TPTE2: variants seen among roughly 807,000 people sequenced by gnomAD.
TPTE2 encodes phosphatidylinositol 3,4,5-trisphosphate 3-phosphatase TPTE2.
TPTE2 carries 53 observed loss-of-function variants against 78.6 expected under a neutral mutation model. The ratio of observed to expected loss-of-function variants is 0.67; its 90% CI spans 0.54 to 0.85. The LOEUF is 0.85. TPTE2 is among the 40% of genes least tolerant of loss of function. The pLI is 0.00. For missense variants in TPTE2, 461 were observed against 623.0 expected (o/e 0.74, Z 2.77); for synonymous variants, 175 against 206.2 (o/e 0.85, Z 1.30).
intron 1 of TPTE2, among the ~76,000 whole-genome samples, chr13:19,498,351 T>C (rs1457830681): frequency 1.3e-5 from 2 of 151,838 alleles, no homozygotes; most frequent in Admixed American, 1.3e-4. Flanking sequence ...AATTGTCAGA[T>C]TCACCAAAGT....
intron 1 of TPTE2, among the ~76,000 whole-genome samples, chr13:19,527,526 C>A (rs2137735443): frequency 6.6e-6 from 1 of 152,288 alleles, no homozygotes; most frequent in South Asian, 2.1e-4. Flanking sequence ...CATTAATACA[C>A]TGCAAGTTGG....
chr13:19,454,218 C>T (rs1249894619), intron 10 of TPTE2, among the ~76,000 whole-genome samples: 3 of 152,158 alleles, frequency 2.0e-5, no homozygotes, highest in Non-Finnish European at 4.4e-5. Context: ...GTCTGCTTTG[C>T]TCATTCGCTG....
At chr13:19,474,134 G>T (rs1309104063) in intron 5 of TPTE2, 59 bp from the exon 9 acceptor site, 1 of 1,258,924 alleles carries the variant, frequency 7.9e-7, no homozygotes, top group Non-Finnish European at 1.1e-6. Context: ...CAAAGATAAA[G>T]GGGCATTTGT....
At chr13:19,479,085 C>G (rs956805825) in intron 4 of TPTE2, among the ~76,000 whole-genome samples, 39 of 152,070 alleles carry the variant, frequency 2.6e-4, no homozygotes, top group Non-Finnish European at 5.4e-4. Flanking sequence ...GTACAGCACA[C>G]CAACATGGCA....
At chr13:19,560,492 A>C in the TPTE2 span, 3 of 1,592,372 alleles carry the variant, frequency 1.9e-6, no homozygotes, top group Middle Eastern at 2.2e-4. Flanking sequence ...ACCTCCATTC[A>C]TACTCTCTGC....
chr13:19,428,726 C>T (rs903618000), intron 17 of TPTE2, among the ~76,000 whole-genome samples: 13 of 149,534 alleles, frequency 8.7e-5, no homozygotes, highest in African/African-American at 1.2e-4. Flanking sequence ...GAGACCCTGG[C>T]TCAGGAAAAA....
intron 4 of TPTE2, among the ~76,000 whole-genome samples, chr13:19,477,918 A>G (rs577506597): frequency 1.3e-5 from 2 of 152,228 alleles, no homozygotes; most frequent in Non-Finnish European, 2.9e-5. Flanking sequence ...ACACTCCAAC[A>G]TGAAGCAACA....
At chr13:19,509,007 C>T (rs1869254438) in intron 1 of TPTE2, among the ~76,000 whole-genome samples, 1 of 151,958 alleles carries the variant, frequency 6.6e-6, no homozygotes, top group Admixed American at 6.6e-5. Context: ...TTTAAAAAAA[C>T]CCACATTTGA....
chr13:19,526,319 T>G (rs2137732092), intron 1 of TPTE2, among the ~76,000 whole-genome samples: 1 of 152,220 alleles, frequency 6.6e-6, no homozygotes, highest in East Asian at 1.9e-4. Context: ...ATTTAAAAAA[T>G]GTGGCACACA....
At chr13:19,428,236 G>T (rs1474780145) in intron 17 of TPTE2, among the ~76,000 whole-genome samples, 1 of 152,138 alleles carries the variant, frequency 6.6e-6, no homozygotes, top group Non-Finnish European at 1.5e-5. Flanking sequence ...ATCACCTGAG[G>T]TCGGGAGTTT....
At chr13:19,436,361 T>C (rs1877088777) in intron 14 of TPTE2, 55 bp from the exon 18 acceptor site, 1 of 1,493,382 alleles carries the variant, frequency 6.7e-7, no homozygotes, top group Non-Finnish European at 9.2e-7. Flanking sequence ...TCCTTTCCTA[T>C]ATTAGGTACC....
At chr13:19,471,677 G>T (rs922535252) in intron 6 of TPTE2, among the ~76,000 whole-genome samples, 2 of 152,054 alleles carry the variant, frequency 1.3e-5, no homozygotes, top group Non-Finnish European at 2.9e-5. Flanking sequence ...TCATAGTTTA[G>T]TCTCTCTACT....
At chr13:19,423,397 T>C (rs1213018750) in intron 19 of TPTE2, among the ~76,000 whole-genome samples, 1 of 152,238 alleles carries the variant, frequency 6.6e-6, no homozygotes, top group African/African-American at 2.4e-5. Context: ...CATTGCTTTA[T>C]ATGGAATTAA....
upstream of TPTE2, among the ~76,000 whole-genome samples, chr13:19,540,525 G>A (rs9508437): frequency 0.65 from 98,802 of 151,554 alleles, 34,707 homozygotes; most frequent in East Asian, 0.88. Context: ...GTCTGGTCTC[G>A]AACTCTTGAC....
At chr13:19,499,772 T>A (rs1379044906) in intron 1 of TPTE2, among the ~76,000 whole-genome samples, 2 of 146,276 alleles carry the variant, frequency 1.4e-5, no homozygotes, top group African/African-American at 5.1e-5. Context: ...ATTCAAAAGC[T>A]AGCAGAAGGC....
chr13:19,462,927 C>A (rs559642566), intron 10 of TPTE2, among the ~76,000 whole-genome samples: 11 of 151,914 alleles, frequency 7.2e-5, no homozygotes, highest in African/African-American at 2.4e-4. Flanking sequence ...TATTTGAGAA[C>A]CTTCGAGCTT....
intron 1 of TPTE2, among the ~76,000 whole-genome samples, chr13:19,531,315 C>CA (rs1870854147): frequency 6.6e-6 from 1 of 152,028 alleles, no homozygotes; most frequent in South Asian, 2.1e-4. Flanking sequence ...CATTCTGCAG[C>CA]AATTTACATC....
intron 3 of TPTE2, among the ~76,000 whole-genome samples, chr13:19,484,045 C>T (rs188683004): frequency 2.7e-5 from 4 of 150,416 alleles, no homozygotes; most frequent in African/African-American, 9.8e-5. Flanking sequence ...TTTGTCCTTG[C>T]GATAGGTTGC....
intron 4 of TPTE2, among the ~76,000 whole-genome samples, chr13:19,479,919 G>A (rs926444183): frequency 2.7e-5 from 4 of 150,224 alleles, no homozygotes; most frequent in East Asian, 3.9e-4. Context: ...GCTGAGTGGT[G>A]TCACTGCACT....
Sources: allele counts gnomAD v4.1 joint callset (sites outside exome capture counted in the v4.1 genomes callset), GRCh38; gene constraint gnomAD v4.1.1; transcripts MANE v1.5; gene names NCBI Gene and HGNC (gene_info 2026-07-23, HGNC 2026-07-21).